The following STXBP6 variants were observed in gnomAD, a reference collection of about 807,000 sequenced individuals.
The protein encoded by STXBP6 is syntaxin-binding protein 6.
STXBP6 carries 21 observed loss-of-function variants against 26.9 expected under a neutral mutation model. The observed-to-expected ratio is 0.78, with a 90% CI of 0.55 to 1.12. The LOEUF (loss-of-function observed/expected upper bound fraction) is 1.12. Among genes scored for constraint, STXBP6 ranks in the 50% most tolerant of loss-of-function variants. The pLI, the probability that STXBP6 is intolerant of heterozygous loss-of-function variation, is 0.00. For missense variants in STXBP6, 232 were observed against 257.9 expected (o/e 0.90, Z 0.69); for synonymous variants, 97 against 92.6 (o/e 1.05, Z -0.27).
At chr14:25,020,307 A>AT (rs1033968535) in intron 1 of STXBP6, among the ~76,000 whole-genome samples, 16 of 152,244 alleles carry the variant, frequency 1.1e-4, no homozygotes, top group Middle Eastern at 3.4e-3. Context: ...TTAAAGATAC[A>AT]TTTTTTTCTG....
rs1008303694 is a variant in STXBP6, at chr14:24,818,705, C to A, written c.609+332G>T. On this transcript the variant is annotated intron_variant, in intron 5 of 5. Coordinates refer to ENST00000323944, the MANE Select transcript of STXBP6 (RefSeq NM_001394410.1). ...AAGTGGGGCAGGGATATTCGAAGAC[C>A]TGATCTCTTCTCCCCGACCCCCTGT... Among the ~76,000 whole-genome samples the A allele has an allele frequency of 5.3e-5, 8 of 152,244 alleles. 2 individuals are homozygous for A. The highest frequency in any genetic ancestry group is 3.9e-4 in the Admixed American group (6 of 15,296).
At chr14:24,895,571 G>A (rs1251367783) in intron 2 of STXBP6, among the ~76,000 whole-genome samples, 1 of 152,156 alleles carries the variant, frequency 6.6e-6, no homozygotes, top group African/African-American at 2.4e-5. Context: ...TTCTAGTAGA[G>A]GTCCAGACAC....
chr14:24,817,354 T>A (rs995504814), intron 5 of STXBP6: 10 of 152,278 alleles, frequency 6.6e-5, no homozygotes, highest in African/African-American at 2.2e-4. Context: ...AGAGCAATTT[T>A]ACAATCTTCC....
chr14:24,889,559 TATAATA>T, intron 2 of STXBP6, among the ~76,000 whole-genome samples: 1 of 133,070 alleles, frequency 7.5e-6, no homozygotes, highest in South Asian at 2.3e-4. Context: ...AAACTTAAAG[TATAATA>T]ATAATAAAAT....
intron 4 of STXBP6, among the ~76,000 whole-genome samples, chr14:24,843,592 CATTAGT>C: frequency 6.6e-6 from 1 of 152,264 alleles, no homozygotes. Context: ...ACAGGGCAAG[CATTAGT>C]ATTCTGTTTA....
chr14:24,936,485 T>C (rs2072602973), intron 2 of STXBP6, among the ~76,000 whole-genome samples: 1 of 152,178 alleles, frequency 6.6e-6, no homozygotes, highest in African/African-American at 2.4e-5. Flanking sequence ...TGCAAATAAA[T>C]CTATTCTTAC....
chr14:25,009,039 T>C (rs901630305), intron 1 of STXBP6, among the ~76,000 whole-genome samples: 1 of 152,190 alleles, frequency 6.6e-6, no homozygotes, highest in African/African-American at 2.4e-5. Context: ...GAGAGCAAGA[T>C]ATGACTTTTA....
At chr14:24,902,492 T>C (rs1327758272) in intron 2 of STXBP6, among the ~76,000 whole-genome samples, 1 of 152,176 alleles carries the variant, frequency 6.6e-6, no homozygotes, top group Non-Finnish European at 1.5e-5. Context: ...TTATTTTGCC[T>C]ACCATAGATG....
intron 4 of STXBP6, among the ~76,000 whole-genome samples, chr14:24,851,759 G>A (rs1045123010): frequency 6.6e-6 from 1 of 152,052 alleles, no homozygotes; most frequent in African/African-American, 2.4e-5. Flanking sequence ...TGTCACTCAT[G>A]TGGTCATGTC....
intron 1 of STXBP6, among the ~76,000 whole-genome samples, chr14:24,996,642 G>A (rs1167819478): frequency 2.0e-5 from 3 of 151,536 alleles, no homozygotes; most frequent in South Asian, 2.1e-4. Flanking sequence ...AACTGAGGTC[G>A]CCAGTTTGAG....
intron 1 of STXBP6, among the ~76,000 whole-genome samples, chr14:25,026,603 C>T (rs2075354374): frequency 6.6e-6 from 1 of 152,166 alleles, no homozygotes; most frequent in Admixed American, 6.5e-5. Flanking sequence ...GAAAAGCTTT[C>T]AGGGCCTTTA....
chr14:24,847,958 A>G (rs999605672), intron 4 of STXBP6, among the ~76,000 whole-genome samples: 1 of 152,166 alleles, frequency 6.6e-6, no homozygotes, highest in Non-Finnish European at 1.5e-5. Flanking sequence ...AGCATCCCAG[A>G]CATTTGAAAT....
chr14:24,922,466 T>C (rs1162204917), intron 2 of STXBP6, among the ~76,000 whole-genome samples: 3 of 152,160 alleles, frequency 2.0e-5, no homozygotes, highest in Non-Finnish European at 4.4e-5. Context: ...CCCAAGGGTA[T>C]ATCTTCCTCT....
intron 4 of STXBP6, among the ~76,000 whole-genome samples, chr14:24,841,871 T>TA (rs1046366706): frequency 6.6e-6 from 1 of 152,260 alleles, no homozygotes; most frequent in East Asian, 1.9e-4. Flanking sequence ...AGTTCATTGT[T>TA]ACTTTCATTT....
intron 2 of STXBP6, among the ~76,000 whole-genome samples, chr14:24,864,800 T>G (rs889541771): frequency 3.3e-5 from 5 of 152,166 alleles, no homozygotes; most frequent in African/African-American, 1.2e-4. Flanking sequence ...CAGAATTATC[T>G]GCTCTCTTGG....
intron 2 of STXBP6, among the ~76,000 whole-genome samples, chr14:24,969,791 T>G (rs1395327115): frequency 6.6e-6 from 1 of 152,156 alleles, no homozygotes; most frequent in Non-Finnish European, 1.5e-5. Context: ...CAGGTTTAGA[T>G]GATACACAGC....
chr14:24,949,376 G>GT (rs2073091493), intron 2 of STXBP6, among the ~76,000 whole-genome samples: 1 of 152,124 alleles, frequency 6.6e-6, no homozygotes, highest in African/African-American at 2.4e-5. Flanking sequence ...CTGTAGAAGG[G>GT]TAACAGACAA....
At chr14:24,828,651 A>C (rs1042314837) in intron 4 of STXBP6, among the ~76,000 whole-genome samples, 4 of 152,200 alleles carry the variant, frequency 2.6e-5, no homozygotes, top group Non-Finnish European at 5.9e-5. Context: ...ATGGTCAAAC[A>C]TATCCACTAG....
intron 2 of STXBP6, among the ~76,000 whole-genome samples, chr14:24,943,590 A>G (rs2072878976): frequency 1.3e-5 from 2 of 152,238 alleles, no homozygotes; most frequent in South Asian, 2.1e-4. Flanking sequence ...GGTAAACTCA[A>G]TGGAAACTGC....
Sources: allele counts gnomAD v4.1 joint callset (sites outside exome capture counted in the v4.1 genomes callset), GRCh38; gene constraint gnomAD v4.1.1; transcripts MANE v1.5; gene names NCBI Gene and HGNC (gene_info 2026-07-23, HGNC 2026-07-21).